Variants in KCNJ6 observed in about 807,000 individuals in gnomAD.
The protein encoded by KCNJ6 is G protein-activated inward rectifier potassium channel 2.
In KCNJ6, 9 loss-of-function variants were observed where a neutral mutation model predicts 34.2. That is an observed-to-expected ratio of 0.26 (90% CI 0.16 to 0.46). The LOEUF (loss-of-function observed/expected upper bound fraction) is 0.46, where lower values mean the gene tolerates loss of function less well. Among genes scored for constraint, KCNJ6 ranks in the 20% least tolerant of loss-of-function variants. KCNJ6 has a pLI of 1.00. For missense variants in KCNJ6, 236 were observed against 531.3 expected (o/e 0.44, Z 5.46); for synonymous variants, 196 against 207.1 (o/e 0.95, Z 0.46).
chr21:37,803,786 G>A (rs888025402), intron 2 of KCNJ6, among the ~76,000 whole-genome samples: 4 of 152,078 alleles, frequency 2.6e-5, no homozygotes, highest in African/African-American at 4.8e-5. Flanking sequence ...TCTTCCCTAC[G>A]TCTGTTTCTC....
chr21:37,902,485 A>G (rs2055821627), intron 1 of KCNJ6, among the ~76,000 whole-genome samples: 1 of 152,184 alleles, frequency 6.6e-6, no homozygotes, highest in African/African-American at 2.4e-5. Flanking sequence ...GGAATAATAG[A>G]TTCTGTATTA....
chr21:37,709,684 A>G (rs1198837343), intron 3 of KCNJ6, among the ~76,000 whole-genome samples: 1 of 152,162 alleles, frequency 6.6e-6, no homozygotes, highest in African/African-American at 2.4e-5. Context: ...GCTAGTGGCT[A>G]TTTGACCTTA....
intron 2 of KCNJ6, among the ~76,000 whole-genome samples, chr21:37,783,671 T>C (rs2055180353): frequency 6.6e-6 from 1 of 152,244 alleles, no homozygotes; most frequent in Non-Finnish European, 1.5e-5. Flanking sequence ...ATCAATTCCC[T>C]GCTTGAAGTC....
intron 3 of KCNJ6, among the ~76,000 whole-genome samples, chr21:37,713,229 TTTCAGACAATATAAACCACC>T (rs1329307935): frequency 1.3e-5 from 2 of 152,034 alleles, no homozygotes; most frequent in East Asian, 3.9e-4. Flanking sequence ...GGTCATGCAA[TTTCAGACAATATAAACCACC>T]TGAATCTCAA....
intron 2 of KCNJ6, among the ~76,000 whole-genome samples, chr21:37,744,174 A>C (rs1174093662): frequency 1.8e-5 from 1 of 55,854 alleles, no homozygotes; most frequent in Non-Finnish European, 3.4e-5. Context: ...GGGTGGGGGG[A>C]GGGGGGAGGG....
At chr21:37,692,812 C>T (rs1365763704) in intron 3 of KCNJ6, among the ~76,000 whole-genome samples, 1 of 152,320 alleles carries the variant, frequency 6.6e-6, no homozygotes, top group East Asian at 1.9e-4. Flanking sequence ...ATTGATTTAG[C>T]CCAAATTTCT....
intron 1 of KCNJ6, among the ~76,000 whole-genome samples, chr21:37,909,920 C>T (rs115370166): frequency 6.6e-6 from 1 of 152,322 alleles, no homozygotes; most frequent in African/African-American, 2.4e-5. Context: ...AAATATACAT[C>T]TCCTTCCCAT....
intron 3 of KCNJ6, among the ~76,000 whole-genome samples, chr21:37,661,652 C>G (rs147604676): frequency 3.5e-3 from 226 of 64,078 alleles, no homozygotes; most frequent in African/African-American, 0.011. Flanking sequence ...AGACTGGAGT[C>G]TCTCTCTGTC....
chr21:37,764,383 C>CTTT (rs376267192), intron 2 of KCNJ6, among the ~76,000 whole-genome samples: 12,483 of 145,056 alleles, frequency 0.086, 1,450 homozygotes, highest in African/African-American at 0.26. Context: ...AAGATATTTA[C>CTTT]TTTTTTTTTT....
rs546393341 is a variant in KCNJ6 at position 37,854,999 on chromosome 21, A to G, written c.-27-14290T>C. 6.6e-5 allele frequency among the ~76,000 whole-genome samples: 10 copies of G among 152,332 alleles called. No individual in the cohort carries two copies. The East Asian group carries it at 1.7e-3, about 26-fold the overall frequency. ...GATACAGAGAAAATCAACATCATCA[A>G]CCAACAGGATCAAATCAATGTTTAT... On this transcript the variant is annotated intron_variant, in intron 1 of 3. Coordinates refer to ENST00000609713, the MANE Select transcript of KCNJ6 (RefSeq NM_002240.5).
intron 3 of KCNJ6, among the ~76,000 whole-genome samples, chr21:37,685,967 T>A (rs1174368043): frequency 6.6e-6 from 1 of 152,058 alleles, no homozygotes; most frequent in East Asian, 1.9e-4. Context: ...TATGTATGAA[T>A]ACATGTTACA....
At chr21:37,719,506 G>A (rs1486602005) in intron 2 of KCNJ6, 1 of 152,146 alleles carries the variant, frequency 6.6e-6, no homozygotes, top group Non-Finnish European at 1.5e-5. Context: ...TAATGTAGAG[G>A]GGGTACACCC....
intron 3 of KCNJ6, among the ~76,000 whole-genome samples, chr21:37,663,197 T>TG (rs2054498088): frequency 6.6e-6 from 1 of 152,148 alleles, no homozygotes; most frequent in African/African-American, 2.4e-5. Flanking sequence ...TGATGGGTAT[T>TG]GAATTGTTGT....
At chr21:37,700,552 G>C (rs1470925109) in intron 3 of KCNJ6, among the ~76,000 whole-genome samples, 11 of 152,168 alleles carry the variant, frequency 7.2e-5, no homozygotes, top group Non-Finnish European at 4.4e-5. Context: ...TTCTGACAAT[G>C]ATGAGGAAGG....
intron 2 of KCNJ6, among the ~76,000 whole-genome samples, chr21:37,743,995 T>A (rs769908144): frequency 6.6e-6 from 1 of 151,786 alleles, no homozygotes; most frequent in Non-Finnish European, 1.5e-5. Context: ...TGGAGAAAAA[T>A]TCACTCTTCC....
Position 37,614,437 on chromosome 21 carries a change from T to TGTGTGTATG in KCNJ6, c.*10721_*10722insCATACACAC, listed in dbSNP as rs1158816473. The TGTGTGTATG allele has an allele frequency of 5.1e-5, 7 of 136,686 alleles. No individual in the cohort carries two copies. The highest frequency in any genetic ancestry group is 2.4e-4 in the South Asian group (1 of 4,148). The allele number at this position is 136,686 out of a possible 1,614,324, so 8.5% of individuals were successfully genotyped here. A position where few individuals can be genotyped will look rare whatever the true frequency, so the allele number is the denominator to read the frequency against. ...GTGTCTGTGTGAGTATGCGTGTATC[T>TGTGTGTATG]CTGTGTGTATGCATGTGTCTGTGTC... On this transcript the variant is annotated 3_prime_UTR_variant, in exon 4 of 4. Coordinates refer to ENST00000609713, the MANE Select transcript of KCNJ6 (RefSeq NM_002240.5).
intron 1 of KCNJ6, among the ~76,000 whole-genome samples, chr21:37,844,274 G>A (rs2055495578): frequency 6.6e-6 from 1 of 152,058 alleles, no homozygotes; most frequent in African/African-American, 2.4e-5. Context: ...TGGCCAGGCT[G>A]GTCTTGATCT....
chr21:37,636,623 G>A (rs1381524945), intron 3 of KCNJ6, among the ~76,000 whole-genome samples: 3 of 152,188 alleles, frequency 2.0e-5, no homozygotes, highest in Non-Finnish European at 4.4e-5. Context: ...GGTGGTGATT[G>A]CAAAGCTCAC....
intron 3 of KCNJ6, among the ~76,000 whole-genome samples, chr21:37,687,478 T>A (rs1294470605): frequency 1.3e-5 from 2 of 152,184 alleles, no homozygotes; most frequent in Non-Finnish European, 2.9e-5. Flanking sequence ...TGTCCTTCAA[T>A]GCAGACCTGG....
Sources: allele counts gnomAD v4.1 joint callset (sites outside exome capture counted in the v4.1 genomes callset), GRCh38; gene constraint gnomAD v4.1.1; transcripts MANE v1.5; gene names NCBI Gene and HGNC (gene_info 2026-07-23, HGNC 2026-07-21).